Variants in MFHAS1 observed in about 807,000 individuals in gnomAD.
The protein encoded by MFHAS1 is malignant fibrous histiocytoma-amplified sequence 1.
MFHAS1 carries 50 observed loss-of-function variants against 70.4 expected under a neutral mutation model. The ratio of observed to expected loss-of-function variants is 0.71; its 90% CI spans 0.57 to 0.90. The LOEUF (loss-of-function observed/expected upper bound fraction) is 0.90, where lower values mean the gene tolerates loss of function less well. MFHAS1 is among the 40% of genes least tolerant of loss of function. MFHAS1 has a pLI of 0.00. For synonymous variants in MFHAS1, 952 were observed against 620.0 expected (o/e 1.54, Z -7.96); for missense variants, 1,795 against 1,347.6 (o/e 1.33, Z -5.20).
chr8:8,813,094 T>TA (rs757672489), intron 1 of MFHAS1, among the ~76,000 whole-genome samples: 6 of 152,172 alleles, frequency 3.9e-5, no homozygotes, highest in Non-Finnish European at 7.3e-5. Context: ...CGAGCAATGG[T>TA]AGACCCCACA....
At position 8,839,136 on chromosome 8, in the gene MFHAS1, T is replaced by C. The variant is rs150464673; in HGVS notation, c.2999-41645A>G. On this transcript the variant is annotated intron_variant, in intron 1 of 2. Coordinates refer to ENST00000276282, the MANE Select transcript of MFHAS1 (RefSeq NM_004225.3). Reference sequence around the variant, plus strand: ...ACTATCTATTCTGGATATTACTTAGTATTATAAATCTGCCTCTTAAGAAAA... The same window carrying C: ...ACTATCTATTCTGGATATTACTTAGCATTATAAATCTGCCTCTTAAGAAAA... Among the ~76,000 whole-genome samples, 579 of 152,224 alleles carry C rather than the reference T, an allele frequency of 3.8e-3. 6 individuals carry two copies. Among genetic ancestry groups the C allele is most frequent in the African/African-American group, 0.013 (544 of 41,532 alleles).
In MFHAS1 at chr8:8,892,278, C is replaced by G. The variant is rs757845855; in HGVS notation, c.781G>C (p.Gly261Arg). The change falls in exon 1 of 3, where the codon GGG becomes CGG. Residue 261 changes from glycine to arginine, a missense_variant. Coordinates refer to ENST00000276282, the MANE Select transcript of MFHAS1 (RefSeq NM_004225.3). The surrounding 1 kb of genome is among the most constrained non-coding windows in gnomAD (Gnocchi z 4.7). ...AACTGGGCGGGCAGAGCCTGCAGCC[C>G]GTTGTTGTCTAGCATGAGGCTCTCC... The part of the protein sequence containing the change: ...SLESLMLDNN[G>R]LQALPAQFSC... 14 of 1,612,054 alleles carry G rather than the reference C, an allele frequency of 8.7e-6. No individual in the cohort carries two copies. The South Asian group carries it at 1.5e-4, about 18-fold the overall frequency.
chr8:8,872,177 G>C lies in MFHAS1; in HGVS notation c.2998+17884C>G, dbSNP rs556317573. ...GTGCACGGATATGAACAAAGCCAGCGACACACCACCAGATTCTTCAAAAGC... is the reference window on the plus strand; with the variant it reads ...GTGCACGGATATGAACAAAGCCAGCCACACACCACCAGATTCTTCAAAAGC... On this transcript the variant is annotated intron_variant, in intron 1 of 2. Coordinates refer to ENST00000276282, the MANE Select transcript of MFHAS1 (RefSeq NM_004225.3). Among the ~76,000 whole-genome samples the C allele has an allele frequency of 3.3e-5, 5 of 152,166 alleles. No homozygotes were observed. In the East Asian group the frequency reaches 5.8e-4, roughly 18 times the overall value.
intron 1 of MFHAS1, among the ~76,000 whole-genome samples, chr8:8,846,822 G>T (rs1023310241): frequency 6.6e-6 from 1 of 151,784 alleles, no homozygotes; most frequent in South Asian, 2.1e-4. Flanking sequence ...AAATAGCAGC[G>T]ACCCACCCCG....
At chr8:8,872,020 G>A (rs1406874813) in intron 1 of MFHAS1, among the ~76,000 whole-genome samples, 1 of 149,908 alleles carries the variant, frequency 6.7e-6, no homozygotes, top group African/African-American at 2.5e-5. Context: ...AAAGGAGGGA[G>A]AAGGAAGGAA....
chr8:8,810,984 C>A (rs1162282418), intron 1 of MFHAS1, among the ~76,000 whole-genome samples: 1 of 152,152 alleles, frequency 6.6e-6, no homozygotes, highest in South Asian at 2.1e-4. Context: ...CAATCGGACC[C>A]ACAGCACCTC....
At position 8,870,045 on chromosome 8, in the gene MFHAS1, A is replaced by G. The variant is rs191888455; in HGVS notation, c.2998+20016T>C. 3.2e-3 allele frequency among the ~76,000 whole-genome samples: 486 copies of G among 152,214 alleles called. 1 individual carries two copies. Among genetic ancestry groups the G allele is most frequent in the African/African-American group, 0.011 (469 of 41,528 alleles). On this transcript the variant is annotated intron_variant, in intron 1 of 2. Transcript: ENST00000276282. The stretch of plus-strand genomic sequence containing the variant: ...TTGACATTTCCCCATTTGACCCTTC[A>G]GTATTTTCCTCTCACCCTCTGAAAA...
intron 1 of MFHAS1, among the ~76,000 whole-genome samples, chr8:8,848,497 G>A (rs965091579): frequency 6.6e-6 from 1 of 151,970 alleles, no homozygotes; most frequent in Non-Finnish European, 1.5e-5. Flanking sequence ...AGAGACACAC[G>A]TAAAGGGCAA....
intron 1 of MFHAS1, among the ~76,000 whole-genome samples, chr8:8,834,502 G>C (rs1807527572): frequency 6.6e-6 from 1 of 152,140 alleles, no homozygotes; most frequent in Admixed American, 6.5e-5. Context: ...TACCTCTTCT[G>C]TGTTCACATT....
intron 1 of MFHAS1, among the ~76,000 whole-genome samples, chr8:8,856,088 G>A (rs1808427939): frequency 6.6e-6 from 1 of 152,160 alleles, no homozygotes; most frequent in African/African-American, 2.4e-5. Context: ...TTAGAAGACG[G>A]TCTTCCCCAT....
chr8:8,858,635 T>C (rs541450052), intron 1 of MFHAS1, among the ~76,000 whole-genome samples: 1 of 152,172 alleles, frequency 6.6e-6, no homozygotes, highest in African/African-American at 2.4e-5. Flanking sequence ...CAGTCCTCCC[T>C]CGGTATATAT....
intron 1 of MFHAS1, among the ~76,000 whole-genome samples, chr8:8,814,195 C>T (rs774422533): frequency 7.2e-5 from 11 of 152,282 alleles, no homozygotes; most frequent in South Asian, 4.1e-4. Flanking sequence ...ACCTCAGCCT[C>T]CCACAGTGCT....
At chr8:8,791,166 C>T (rs1193807713) in intron 2 of MFHAS1, among the ~76,000 whole-genome samples, 3 of 139,236 alleles carry the variant, frequency 2.2e-5, no homozygotes, top group African/African-American at 8.0e-5. Context: ...AACACATGAT[C>T]AGCCAAAATC....
At chr8:8,878,862 T>C (rs1190710363) in intron 1 of MFHAS1, among the ~76,000 whole-genome samples, 1 of 152,192 alleles carries the variant, frequency 6.6e-6, no homozygotes, top group Non-Finnish European at 1.5e-5. Flanking sequence ...ACATTTAATA[T>C]GCTAATAGTA....
chr8:8,853,569 C>G (rs1368552887), intron 1 of MFHAS1, among the ~76,000 whole-genome samples: 1 of 151,488 alleles, frequency 6.6e-6, no homozygotes, highest in East Asian at 1.9e-4. Context: ...CAGGTCCTAG[C>G]TACGTATATA....
intron 1 of MFHAS1, among the ~76,000 whole-genome samples, chr8:8,856,168 T>A (rs1345746645): frequency 6.6e-6 from 1 of 152,194 alleles, no homozygotes; most frequent in Non-Finnish European, 1.5e-5. Context: ...TCTGGGGCCC[T>A]TATTTGGAAA....
At chr8:8,787,318 G>C (rs1805586462) in intron 2 of MFHAS1, among the ~76,000 whole-genome samples, 1 of 152,108 alleles carries the variant, frequency 6.6e-6, no homozygotes, top group African/African-American at 2.4e-5. Flanking sequence ...CTGACCTCAT[G>C]ATCCGCCCAC....
At position 8,862,081 on chromosome 8, in the gene MFHAS1, G is replaced by C. The variant is rs1808687660; in HGVS notation, c.2998+27980C>G. Among the ~76,000 whole-genome samples, 8 of 152,300 alleles carry C rather than the reference G, an allele frequency of 5.3e-5. No homozygotes were observed. The South Asian group carries it at 1.7e-3, about 32-fold the overall frequency. Reference sequence around the variant, plus strand: ...AATTGCTGAGTTAGCTAGTAAACATGTGTTTAACTTTATATGAAACTAGCA... The same window carrying C: ...AATTGCTGAGTTAGCTAGTAAACATCTGTTTAACTTTATATGAAACTAGCA... On this transcript the variant is annotated intron_variant, in intron 1 of 2. Transcript: ENST00000276282.
At chr8:8,816,867 G>A (rs1806766530) in intron 1 of MFHAS1, among the ~76,000 whole-genome samples, 3 of 152,276 alleles carry the variant, frequency 2.0e-5, no homozygotes, top group Middle Eastern at 3.4e-3. Flanking sequence ...GGTAAGCCAA[G>A]GTTAACATAC....
Sources: gnomAD v4.1 joint callset for allele counts (sites outside exome capture counted in the v4.1 genomes callset) on GRCh38, gnomAD v4.1.1 for gene constraint, Gnocchi (gnomAD v3.1) non-coding constraint, MANE v1.5 for transcripts, NCBI Gene and HGNC (gene_info 2026-07-23, HGNC 2026-07-21) for gene names.